Variants in LMO3 observed in about 807,000 individuals in gnomAD.
LMO3 encodes the protein LIM domain only protein 3.
Under a neutral mutation model 15.8 loss-of-function variants are expected in LMO3, and 2 were observed. The ratio of observed to expected loss-of-function variants is 0.13; its 90% CI spans 0.05 to 0.40. The LOEUF (loss-of-function observed/expected upper bound fraction) is 0.40. Among genes scored for constraint, LMO3 ranks in the 10% least tolerant of loss-of-function variants. The probability of loss-of-function intolerance (pLI) is 0.99; values close to 1 mark genes in which losing one functional copy is unlikely to be tolerated. For missense variants in LMO3, 86 were observed against 182.2 expected, an observed-to-expected ratio of 0.47 and a Z score of 3.04; for synonymous variants, 62 against 63.8, an observed-to-expected ratio of 0.97 and a Z score of 0.13.
chr12:16,600,984 TA>T, intron 1 of LMO3, 116 bp from the exon 2 acceptor site: 1 of 792,192 alleles, frequency 1.3e-6, no homozygotes, highest in South Asian at 1.9e-5. Flanking sequence ...TTTTCTTGTT[TA>T]GGGCTATACT....
rs143477675 is a variant in LMO3, at chr12:16,591,168, C to T, written c.206+9487G>A. On this transcript the variant is annotated intron_variant, in intron 2 of 3. Transcript: ENST00000537304. This position sits in a 1 kb window ranked among gnomAD's most constrained non-coding sequence, Gnocchi z 4.1. ...TACCATAGACCTACACAGTGACTAC[C>T]CCTTATTCTTGCCCCTCCTGCTCTC... Among the ~76,000 whole-genome samples, 25 of 152,064 alleles carry T rather than the reference C, an allele frequency of 1.6e-4. No homozygotes were observed. Among genetic ancestry groups the T allele is most frequent in the African/African-American group, 5.8e-4 (24 of 41,512 alleles).
chr12:16,583,736 C>G (rs1943236300), intron 2 of LMO3, among the ~76,000 whole-genome samples: 1 of 152,098 alleles, frequency 6.6e-6, no homozygotes, highest in African/African-American at 2.4e-5. Context: ...GTAGCATACC[C>G]ATGGCAATTT....
At chr12:16,564,221 T>C (rs1437372455) in intron 2 of LMO3, among the ~76,000 whole-genome samples, 1 of 152,190 alleles carries the variant, frequency 6.6e-6, no homozygotes, top group African/African-American at 2.4e-5. Flanking sequence ...GAACACGGCC[T>C]ACCTGTATGC....
chr12:16,597,370 A>G lies in LMO3; in HGVS notation c.206+3285T>C, dbSNP rs1223519373. Among the ~76,000 whole-genome samples the G allele has an allele frequency of 6.6e-6, 1 of 151,772 alleles. No individual in the cohort carries two copies. The highest frequency in any genetic ancestry group is 1.5e-5 in the Non-Finnish European group (1 of 67,754). ...TTACAGTCTAAATTATTATATTTTC[A>G]TATTATTTAATATCTCAAATCATCA... On this transcript the variant is annotated intron_variant, in intron 2 of 3. Coordinates refer to ENST00000537304, the MANE Select transcript of LMO3 (RefSeq NM_018640.5). This position sits in a 1 kb window ranked among gnomAD's most constrained non-coding sequence, Gnocchi z 5.0.
In LMO3 at chr12:16,555,554, A is replaced by G. The variant is rs990237677; in HGVS notation, c.333-4227T>C. 6.6e-6 allele frequency among the ~76,000 whole-genome samples: 1 copy of G among 152,246 alleles called. No homozygotes were observed. The highest frequency in any genetic ancestry group is 2.4e-5 in the African/African-American group (1 of 41,468). On this transcript the variant is annotated intron_variant, in intron 3 of 3. Coordinates refer to ENST00000537304, the MANE Select transcript of LMO3 (RefSeq NM_018640.5). This position sits in a 1 kb window ranked among gnomAD's most constrained non-coding sequence, Gnocchi z 5.5. ...ATTTATTCCAGAAACCAACAGCTTT[A>G]AATAACAAATGTATTTTAGATGACT... is the stretch of plus-strand genomic sequence containing the variant.
rs1420077814 is a variant in LMO3, at chr12:16,559,153, C to G, written c.332+1260G>C. Among the ~76,000 whole-genome samples the G allele has an allele frequency of 6.6e-6, 1 of 152,168 alleles. No homozygotes were observed. Among genetic ancestry groups the G allele is most frequent in the Non-Finnish European group, 1.5e-5 (1 of 68,016 alleles). ...AACTAATATTTATTGATTATATACT[C>G]TGCCAGGTGTTCTCACAGAAAGTCA... is the stretch of plus-strand genomic sequence containing the variant. On this transcript the variant is annotated intron_variant, in intron 3 of 3. Transcript: ENST00000537304. The surrounding 1 kb of genome is among the most constrained non-coding windows in gnomAD (Gnocchi z 4.1).
In LMO3 at chr12:16,586,590, T is replaced by C. The variant is rs1943328459; in HGVS notation, c.206+14065A>G. Among the ~76,000 whole-genome samples, 1 of 152,212 alleles carries C rather than the reference T, an allele frequency of 6.6e-6. No homozygotes were observed. Among genetic ancestry groups the C allele is most frequent in the South Asian group, 2.1e-4 (1 of 4,834 alleles). On this transcript the variant is annotated intron_variant, in intron 2 of 3. Coordinates refer to ENST00000537304, the MANE Select transcript of LMO3 (RefSeq NM_018640.5). This position sits in a 1 kb window ranked among gnomAD's most constrained non-coding sequence, Gnocchi z 4.3. ...ACATATGCAAAGACACTGCATTTCATCTTTGGACGTCCTTTCTTGGCAGGA... is the reference window on the plus strand; with the variant it reads ...ACATATGCAAAGACACTGCATTTCACCTTTGGACGTCCTTTCTTGGCAGGA...
rs1218544850 is a variant in LMO3 at position 16,599,142 on chromosome 12, A to C, written c.206+1513T>G. ...GGCAGAAGAGAAATTTTTATTTCAA[A>C]GAGGAAAGTTCAAAGACCGGAGAGT... On this transcript the variant is annotated intron_variant, in intron 2 of 3. Coordinates refer to ENST00000537304, the MANE Select transcript of LMO3 (RefSeq NM_018640.5). This position sits in a 1 kb window ranked among gnomAD's most constrained non-coding sequence, Gnocchi z 4.1. 6.5e-6 allele frequency: 1 copy of C among 152,980 alleles called. No individual in the cohort carries two copies. Among genetic ancestry groups the C allele is most frequent in the Non-Finnish European group, 1.5e-5 (1 of 68,446 alleles). The allele number at this position is 152,980 out of a possible 1,614,324, so 9.5% of individuals were successfully genotyped here.
chr12:16,561,960 A>C lies in LMO3; in HGVS notation c.207-1422T>G, dbSNP rs373128545. Among the ~76,000 whole-genome samples, 11 of 152,348 alleles carry C rather than the reference A, an allele frequency of 7.2e-5. 1 individual carries two copies. The East Asian group carries it at 1.5e-3, about 21-fold the overall frequency. On this transcript the variant is annotated intron_variant, in intron 2 of 3. Transcript: ENST00000537304. ...AGAAGATCAAATTCATAATTGTTAG[A>C]CACTTATTTTCCTTAATGAATTAAA... is the stretch of plus-strand genomic sequence containing the variant.
At chr12:16,557,762 G>T (rs1056352905) in intron 3 of LMO3, among the ~76,000 whole-genome samples, 43 of 151,984 alleles carry the variant, frequency 2.8e-4, no homozygotes, top group Non-Finnish European at 5.6e-4. Flanking sequence ...TGCAAGAGAG[G>T]TATTAGTGTT....
Position 16,597,505 on chromosome 12 carries a change from G to C in LMO3, c.206+3150C>G, listed in dbSNP as rs908190400. 6.6e-6 allele frequency: 1 copy of C among 151,646 alleles called. No homozygotes were observed. The highest frequency in any genetic ancestry group is 1.5e-5 in the Non-Finnish European group (1 of 67,724). The allele number at this position is 151,646 out of a possible 1,614,324, so 9.4% of individuals were successfully genotyped here. A position where few individuals can be genotyped will look rare whatever the true frequency, so the allele number is the denominator to read the frequency against. ...TAATTAGGAGTGTTTCTTTCTTTCT[G>C]TTTATGGAGGGAGAAGTGTATTAAG... On this transcript the variant is annotated intron_variant, in intron 2 of 3. Transcript: ENST00000537304. This position sits in a 1 kb window ranked among gnomAD's most constrained non-coding sequence, Gnocchi z 5.0.
Position 16,572,176 on chromosome 12 carries a change from C to T in LMO3, c.207-11638G>A, listed in dbSNP as rs555306166. Among the ~76,000 whole-genome samples the T allele has an allele frequency of 9.2e-5, 14 of 151,990 alleles. No homozygotes were observed. In the East Asian group the frequency reaches 2.7e-3, roughly 29 times the overall value. On this transcript the variant is annotated intron_variant, in intron 2 of 3. Transcript: ENST00000537304. ...TGCTTTCCATAATAAATTACCACAA[C>T]TCTCAATCCAGTATTAAGAAGGAGA...
Position 16,587,837 on chromosome 12 carries a change from T to C in LMO3, c.206+12818A>G, listed in dbSNP as rs1591815914. ...TTCAGGGGGAGGGAGAGGAACCTTGTCTCATATTAATGCTGCCAGTAGCTA... is the reference window on the plus strand; with the variant it reads ...TTCAGGGGGAGGGAGAGGAACCTTGCCTCATATTAATGCTGCCAGTAGCTA... On this transcript the variant is annotated intron_variant, in intron 2 of 3. Transcript: ENST00000537304. The surrounding 1 kb of genome is among the most constrained non-coding windows in gnomAD (Gnocchi z 4.3). Among the ~76,000 whole-genome samples the C allele has an allele frequency of 6.6e-6, 1 of 152,078 alleles. No individual in the cohort carries two copies. Among genetic ancestry groups the C allele is most frequent in the African/African-American group, 2.4e-5 (1 of 41,432 alleles).
In LMO3 at chr12:16,603,381, C is replaced by T. The variant is rs1031444833; in HGVS notation, c.-8-2513G>A. On this transcript the variant is annotated intron_variant, in intron 1 of 3. Coordinates refer to ENST00000537304, the MANE Select transcript of LMO3 (RefSeq NM_018640.5). The surrounding 1 kb of genome is among the most constrained non-coding windows in gnomAD (Gnocchi z 4.9). ...AACTATTTTGTAGTCACCATGTTACCGTGTACTTAAAAGGCATAAAGCAGT... is the reference window on the plus strand; with the variant it reads ...AACTATTTTGTAGTCACCATGTTACTGTGTACTTAAAAGGCATAAAGCAGT... Among the ~76,000 whole-genome samples the T allele has an allele frequency of 3.3e-5, 5 of 152,068 alleles. No homozygotes were observed. The highest frequency in any genetic ancestry group is 1.9e-4 in the East Asian group (1 of 5,178).
In LMO3 at chr12:16,597,723, G is replaced by A. The variant is rs1419569526; in HGVS notation, c.206+2932C>T. 1 of 151,608 alleles carries A rather than the reference G, an allele frequency of 6.6e-6. No homozygotes were observed. The highest frequency in any genetic ancestry group is 2.4e-5 in the African/African-American group (1 of 41,332). 9.4% of individuals were successfully genotyped at this position (151,608 alleles called of 1,614,324 possible). A position where few individuals can be genotyped will look rare whatever the true frequency, so the allele number is the denominator to read the frequency against. On this transcript the variant is annotated intron_variant, in intron 2 of 3. Coordinates refer to ENST00000537304, the MANE Select transcript of LMO3 (RefSeq NM_018640.5). The surrounding 1 kb of genome is among the most constrained non-coding windows in gnomAD (Gnocchi z 5.0). ...TATGTAAGTTATTTATGTTCAGTTTGGTGCCTCAGAGAAATTACATAATAT... is the reference window on the plus strand; with the variant it reads ...TATGTAAGTTATTTATGTTCAGTTTAGTGCCTCAGAGAAATTACATAATAT...
chr12:16,567,942 T>C (rs1248147704), intron 2 of LMO3, among the ~76,000 whole-genome samples: 1 of 152,138 alleles, frequency 6.6e-6, no homozygotes, highest in Non-Finnish European at 1.5e-5. Flanking sequence ...ATCTGACCCA[T>C]TTTAACAACA....
At chr12:16,602,091 C>T (rs188495808) in intron 1 of LMO3, 2 of 152,340 alleles carry the variant, frequency 1.3e-5, no homozygotes, top group East Asian at 3.9e-4. Context: ...GCCAAATGGC[C>T]TTCTTACAGT....
At chr12:16,564,514 G>C (rs988112695) in intron 2 of LMO3, among the ~76,000 whole-genome samples, 1 of 152,080 alleles carries the variant, frequency 6.6e-6, no homozygotes, top group African/African-American at 2.4e-5. Flanking sequence ...TAATGAATGT[G>C]GTTTACTACA....
chr12:16,595,148 T>C (rs1254050456), intron 2 of LMO3, among the ~76,000 whole-genome samples: 1 of 151,444 alleles, frequency 6.6e-6, no homozygotes, highest in African/African-American at 2.4e-5. Context: ...TATTTCATAC[T>C]TATTAAAAGA....
Sources: gnomAD v4.1 joint callset for allele counts (sites outside exome capture counted in the v4.1 genomes callset) on GRCh38, gnomAD v4.1.1 for gene constraint, Gnocchi (gnomAD v3.1) non-coding constraint, MANE v1.5 for transcripts, NCBI Gene and HGNC (gene_info 2026-07-23, HGNC 2026-07-21) for gene names.